The following LMBRD1 variants were observed in gnomAD, a reference collection of about 807,000 sequenced individuals.
LMBRD1 encodes the protein lysosomal cobalamin transport escort protein LMBD1.
LMBRD1 carries 64 observed loss-of-function variants against 74.8 expected under a neutral mutation model. That is an observed-to-expected ratio of 0.86 (90% CI 0.70 to 1.05). LMBRD1 has a LOEUF of 1.05. Among genes scored for constraint, LMBRD1 ranks in the 50% least tolerant of loss-of-function variants. LMBRD1 has a pLI of 0.00. For synonymous variants in LMBRD1, 204 were observed against 216.3 expected, an observed-to-expected ratio of 0.94 and a Z score of 0.50; for missense variants, 652 against 645.9, an observed-to-expected ratio of 1.01 and a Z score of -0.10.
chr6:69,712,095 G>C (rs1766395345), intron 9 of LMBRD1, among the ~76,000 whole-genome samples: 1 of 151,958 alleles, frequency 6.6e-6, no homozygotes, highest in Admixed American at 6.6e-5. Context: ...GCTTCATTCT[G>C]CCTAACTTCA....
chr6:69,692,620 G>GT (rs1351856538), intron 14 of LMBRD1, among the ~76,000 whole-genome samples: 2 of 151,790 alleles, frequency 1.3e-5, no homozygotes, highest in Admixed American at 6.6e-5. Flanking sequence ...GTTAATACAG[G>GT]TTTTTTTCTC....
chr6:69,713,267 C>A (rs529735916), intron 9 of LMBRD1, among the ~76,000 whole-genome samples: 2 of 152,088 alleles, frequency 1.3e-5, no homozygotes, highest in African/African-American at 2.4e-5. Context: ...TACACAAAAA[C>A]CAAATCAAAA....
Position 69,724,054 on chromosome 6 carries a change from T to C in LMBRD1, c.637-4973A>G, listed in dbSNP as rs368380887. On this transcript the variant is annotated intron_variant, in intron 7 of 15. Coordinates refer to ENST00000649934, the MANE Select transcript of LMBRD1 (RefSeq NM_018368.4). Reference sequence around the variant, plus strand: ...TTATATGCCAACAAATTGGAAAATATAAAAGAAATGGATAAATTCATAGAC... The same window carrying C: ...TTATATGCCAACAAATTGGAAAATACAAAAGAAATGGATAAATTCATAGAC... Among the ~76,000 whole-genome samples the C allele has an allele frequency of 2.2e-4, 34 of 152,004 alleles. 1 individual carries two copies. The South Asian group carries it at 6.4e-3, about 29-fold the overall frequency.
At chr6:69,750,224 T>C (rs1412256841) in intron 4 of LMBRD1, among the ~76,000 whole-genome samples, 2 of 151,266 alleles carry the variant, frequency 1.3e-5, no homozygotes, top group Admixed American at 6.6e-5. Context: ...ACGTCACATA[T>C]GTTAACTCAT....
intron 3 of LMBRD1, among the ~76,000 whole-genome samples, chr6:69,752,682 C>T (rs1309483081): frequency 6.6e-6 from 1 of 152,182 alleles, no homozygotes; most frequent in East Asian, 1.9e-4. Context: ...CTGAGAACGT[C>T]CTATAAACCA....
chr6:69,689,604 C>T (rs115427175), intron 14 of LMBRD1, among the ~76,000 whole-genome samples: 2,460 of 152,154 alleles, frequency 0.016, 53 homozygotes, highest in African/African-American at 0.055. Context: ...TTAGTTGTTT[C>T]ACCATCAAGA....
intron 14 of LMBRD1, among the ~76,000 whole-genome samples, chr6:69,687,773 T>G (rs1338547131): frequency 1.3e-5 from 2 of 152,172 alleles, no homozygotes; most frequent in Non-Finnish European, 2.9e-5. Flanking sequence ...ATATTAATCT[T>G]ATAAGCTAAA....
chr6:69,736,341 C>T (rs1355901574), intron 7 of LMBRD1, among the ~76,000 whole-genome samples: 1 of 152,110 alleles, frequency 6.6e-6, no homozygotes, highest in African/African-American at 2.4e-5. Flanking sequence ...ATTCAGCTTC[C>T]CTAAGCTCAG....
chr6:69,681,610 C>T (rs987814273), intron 14 of LMBRD1, among the ~76,000 whole-genome samples: 43 of 75,314 alleles, frequency 5.7e-4, no homozygotes, highest in African/African-American at 2.8e-3. Context: ...TAAAACAAAG[C>T]CTTATTTTAC....
At chr6:69,723,781 C>A (rs1235568469) in intron 7 of LMBRD1, among the ~76,000 whole-genome samples, 2 of 151,490 alleles carry the variant, frequency 1.3e-5, no homozygotes, top group African/African-American at 2.4e-5. Flanking sequence ...AAAGAAAAAA[C>A]CATACCCAAA....
At chr6:69,779,960 T>C (rs909465628) in intron 3 of LMBRD1, among the ~76,000 whole-genome samples, 6 of 152,170 alleles carry the variant, frequency 3.9e-5, no homozygotes, top group Non-Finnish European at 7.4e-5. Flanking sequence ...TGCAAGCCAT[T>C]AGAAACTGGG....
intron 3 of LMBRD1, among the ~76,000 whole-genome samples, chr6:69,771,806 G>A (rs1315187696): frequency 6.6e-6 from 1 of 152,090 alleles, no homozygotes; most frequent in Non-Finnish European, 1.5e-5. Context: ...AGTAAAACAA[G>A]GGTGGAAAAG....
At chr6:69,682,237 G>A (rs1001924433) in intron 14 of LMBRD1, among the ~76,000 whole-genome samples, 14 of 151,790 alleles carry the variant, frequency 9.2e-5, no homozygotes, top group African/African-American at 3.4e-4. Flanking sequence ...AATCTCACTG[G>A]GAGATTTAGG....
At chr6:69,703,304 G>A in intron 9 of LMBRD1, among the ~76,000 whole-genome samples, 1 of 151,904 alleles carries the variant, frequency 6.6e-6, no homozygotes, top group African/African-American at 2.4e-5. Flanking sequence ...TTATACTTAG[G>A]ATTCTCAAGT....
At chr6:69,729,314 C>A (rs533823553) in intron 7 of LMBRD1, among the ~76,000 whole-genome samples, 3 of 150,636 alleles carry the variant, frequency 2.0e-5, no homozygotes, top group Non-Finnish European at 4.4e-5. Context: ...TTGTAAATGT[C>A]CCTTGCTTAT....
At chr6:69,727,145 G>A (rs1766754438) in intron 7 of LMBRD1, among the ~76,000 whole-genome samples, 1 of 152,078 alleles carries the variant, frequency 6.6e-6, no homozygotes, top group South Asian at 2.1e-4. Flanking sequence ...GTAACAGAGT[G>A]AAACTCTGTC....
chr6:69,741,729 A>T (rs1042306259), intron 6 of LMBRD1, 60 bp downstream of exon 6: 3 of 1,059,036 alleles, frequency 2.8e-6, no homozygotes, highest in Non-Finnish European at 4.4e-6. Context: ...ACTGCTTCTC[A>T]AAAGTCCAAA....
At position 69,713,661 on chromosome 6, in the gene LMBRD1, G is replaced by A; in HGVS notation, c.899C>T (p.Ala300Val). The change falls in exon 9 of 16, where the codon GCT (alanine) becomes GTT (valine). Residue 300 changes from alanine to valine, a missense_variant. Physicochemically the swap from Ala to Val is moderately conservative, Grantham distance 64. Coordinates refer to ENST00000649934, the MANE Select transcript of LMBRD1 (RefSeq NM_018368.4). ...ENSWWTKFCG[A>V]LRPLKIVWGI... The stretch of plus-strand genomic sequence containing the variant: ...TTCATTTACCTTCAGGGGACGCAGA[G>A]CGCCACAAAATTTTGTCCACCAGCT... The A allele has an allele frequency of 6.2e-7, 1 of 1,613,508 alleles. No homozygotes were observed. The highest frequency in any genetic ancestry group is 8.5e-7 in the Non-Finnish European group (1 of 1,179,608).
Position 69,676,462 on chromosome 6 carries a change from C to T in LMBRD1, c.1497G>A (p.Trp499Ter). 2 of 1,613,174 alleles carry T rather than the reference C, an allele frequency of 1.2e-6. No individual in the cohort carries two copies. The highest frequency in any genetic ancestry group is 8.5e-7 in the Non-Finnish European group (1 of 1,179,452). ...TATCTGCACTTACCCCAAGAAAGGCCCAGTTACCAAAATAGTAAGCAGCAC... is the reference window on the plus strand; with the variant it reads ...TATCTGCACTTACCCCAAGAAAGGCTCAGTTACCAAAATAGTAAGCAGCAC... ...FFSAAYYFGN[W>*]AFLGVFLIGL... is the part of the protein sequence containing the mutation. Residue 499 changes from tryptophan (W) to a stop codon, truncating the protein, a stop_gained, in exon 15 of 16, where the codon TGG becomes TGA. Transcript: ENST00000649934. LOFTEE classifies it high-confidence loss of function.
Sources: allele counts gnomAD v4.1 joint callset (sites outside exome capture counted in the v4.1 genomes callset), GRCh38; gene constraint gnomAD v4.1.1; transcripts MANE v1.5; gene names NCBI Gene and HGNC (gene_info 2026-07-23, HGNC 2026-07-21).